Variants in KITLG observed in about 807,000 individuals in gnomAD.
KITLG encodes the protein c-Kit ligand.
KITLG carries 13 observed loss-of-function variants against 34.1 expected under a neutral mutation model. That is an observed-to-expected ratio of 0.38 (90% confidence interval 0.25 to 0.61). The LOEUF is 0.61. Ranked by LOEUF, KITLG falls within the 20% of genes least tolerant of loss-of-function variation. The probability of loss-of-function intolerance (pLI) is 0.60; values close to 1 mark genes in which losing one functional copy is unlikely to be tolerated. For synonymous variants in KITLG, 110 were observed against 104.0 expected (o/e 1.06, Z -0.35); for missense variants, 292 against 318.9 (o/e 0.92, Z 0.64).
intron 2 of KITLG, among the ~76,000 whole-genome samples, chr12:88,542,364 A>G (rs1295617357): frequency 6.6e-6 from 1 of 152,144 alleles, no homozygotes; most frequent in Non-Finnish European, 1.5e-5. Context: ...GATCATGTCC[A>G]TGTTCCTCAT....
At chr12:88,525,906 G>C (rs979630853) in intron 3 of KITLG, among the ~76,000 whole-genome samples, 2 of 152,180 alleles carry the variant, frequency 1.3e-5, no homozygotes, top group Admixed American at 1.3e-4. Flanking sequence ...GTGTGAAAGA[G>C]AAATCTTAAA....
At position 88,493,820 on chromosome 12, in the gene KITLG, G is replaced by A. The variant is rs1868501163; in HGVS notation, c.*3399C>T. The A allele has an allele frequency of 6.6e-6, 1 of 151,790 alleles. No homozygotes were observed. Among genetic ancestry groups the A allele is most frequent in the African/African-American group, 2.4e-5 (1 of 41,392 alleles). The allele number at this position is 151,790 out of a possible 1,614,324, so 9.4% of individuals were successfully genotyped here. On this transcript the variant is annotated 3_prime_UTR_variant, in exon 10 of 10. Coordinates refer to ENST00000644744, the MANE Select transcript of KITLG (RefSeq NM_000899.5). The stretch of plus-strand genomic sequence containing the variant: ...AACGTACTACTGGTTTTCATTCTTT[G>A]GAGGTGATCCAAAATGTTTATTCAA...
intron 3 of KITLG, among the ~76,000 whole-genome samples, chr12:88,526,320 G>A (rs376276439): frequency 6.6e-6 from 1 of 152,056 alleles, no homozygotes; most frequent in Admixed American, 6.6e-5. Flanking sequence ...AAATTCACAC[G>A]TATCTAAAAG....
chr12:88,507,548 A>C (rs922310743), intron 6 of KITLG, among the ~76,000 whole-genome samples: 4 of 152,350 alleles, frequency 2.6e-5, no homozygotes, highest in Admixed American at 2.6e-4. Flanking sequence ...TACAACCTGG[A>C]TCAAGATCTG....
At chr12:88,499,200 C>G (rs1202926089) in intron 9 of KITLG, among the ~76,000 whole-genome samples, 1 of 152,190 alleles carries the variant, frequency 6.6e-6, no homozygotes, top group South Asian at 2.1e-4. Context: ...AAGCCTAATC[C>G]TTTCTAATCA....
chr12:88,556,598 T>C (rs1391771368), intron 1 of KITLG, among the ~76,000 whole-genome samples: 1 of 152,144 alleles, frequency 6.6e-6, no homozygotes, highest in African/African-American at 2.4e-5. Flanking sequence ...GAGGCACAAA[T>C]GACTTCCAGG....
intron 1 of KITLG, among the ~76,000 whole-genome samples, chr12:88,575,766 T>A (rs1871805488): frequency 6.6e-6 from 1 of 152,054 alleles, no homozygotes; most frequent in African/African-American, 2.4e-5. Flanking sequence ...GAAAGAAAGA[T>A]AAAAGATCAC....
intron 1 of KITLG, among the ~76,000 whole-genome samples, chr12:88,574,762 T>C (rs1330053971): frequency 1.3e-5 from 2 of 152,198 alleles, no homozygotes; most frequent in African/African-American, 4.8e-5. Flanking sequence ...CAGGGAAGCA[T>C]TACCTTTTGT....
intron 2 of KITLG, among the ~76,000 whole-genome samples, chr12:88,534,430 G>A (rs1283406904): frequency 6.6e-6 from 1 of 151,982 alleles, no homozygotes; most frequent in Non-Finnish European, 1.5e-5. Context: ...CTGGAGTGCA[G>A]TAGCACAATC....
intron 3 of KITLG, 22 bp downstream of exon 3, chr12:88,532,419 C>T: frequency 6.4e-7 from 1 of 1,563,490 alleles, no homozygotes; most frequent in East Asian, 2.2e-5. Context: ...TAAAATGAAA[C>T]TCAGAAATGT....
chr12:88,544,541 C>T (rs1870644288), intron 2 of KITLG, among the ~76,000 whole-genome samples: 3 of 151,962 alleles, frequency 2.0e-5, no homozygotes, highest in Admixed American at 2.0e-4. Context: ...CCCCTCACCC[C>T]CATCCCTATA....
chr12:88,509,832 C>T (rs1182805451), intron 6 of KITLG, among the ~76,000 whole-genome samples: 1 of 152,124 alleles, frequency 6.6e-6, no homozygotes, highest in African/African-American at 2.4e-5. Context: ...GCTTATACCT[C>T]CAGGGAATGA....
At chr12:88,513,242 T>C (rs542987091) in intron 6 of KITLG, among the ~76,000 whole-genome samples, 1 of 151,682 alleles carries the variant, frequency 6.6e-6, no homozygotes, top group Non-Finnish European at 1.5e-5. Context: ...TTAAAGTGTA[T>C]ACTTTAATTT....
intron 9 of KITLG, among the ~76,000 whole-genome samples, chr12:88,500,864 C>T (rs1868824638): frequency 6.6e-6 from 1 of 152,200 alleles, no homozygotes; most frequent in Non-Finnish European, 1.5e-5. Flanking sequence ...ATTACAGCCT[C>T]AACCTCTCGG....
intron 3 of KITLG, among the ~76,000 whole-genome samples, chr12:88,528,948 A>G (rs1869978687): frequency 6.6e-6 from 1 of 152,208 alleles, no homozygotes; most frequent in South Asian, 2.1e-4. Flanking sequence ...GTAGCAAAAT[A>G]GGTGGCACAG....
chr12:88,507,111 A>G lies in KITLG; in HGVS notation c.631T>C (p.Ser211Pro). Reference sequence around the variant, plus strand: ...GCCATGGCTGCCCAGTGTAGGCTGGAGTCTCCAGGGGGATTTTTGGCCTTC... The same window carrying G: ...GCCATGGCTGCCCAGTGTAGGCTGGGGTCTCCAGGGGGATTTTTGGCCTTC... ...NRKAKNPPGD[S>P]SLHWAAMALP... is the part of the protein sequence containing the mutation. Residue 211 changes from serine (S) to proline (P), a missense_variant, in exon 7 of 10, where the codon TCC becomes CCC. By Grantham distance (74) the Ser-to-Pro change is moderately conservative (BLOSUM62 -1). This residue lies in a region of KITLG where 140 missense variants were observed against 111.0 expected (regional missense o/e 1.26). Coordinates refer to ENST00000644744, the MANE Select transcript of KITLG (RefSeq NM_000899.5). 6.2e-7 allele frequency: 1 copy of G among 1,613,098 alleles called. No individual in the cohort carries two copies. The highest frequency in any genetic ancestry group is 8.5e-7 in the Non-Finnish European group (1 of 1,179,120).
chr12:88,542,532 A>T (rs879808969), intron 2 of KITLG, among the ~76,000 whole-genome samples: 3 of 152,230 alleles, frequency 2.0e-5, no homozygotes, highest in Middle Eastern at 3.4e-3. Context: ...GTGATTATCT[A>T]CATCCATAAA....
chr12:88,508,116 G>A (rs1294855128), intron 6 of KITLG, among the ~76,000 whole-genome samples: 1 of 151,924 alleles, frequency 6.6e-6, no homozygotes, highest in Non-Finnish European at 1.5e-5. Flanking sequence ...GAACCCGGGA[G>A]GCGGAAGTCG....
intron 6 of KITLG, 107 bp from the exon 7 acceptor site, chr12:88,507,244 A>G: frequency 1.4e-6 from 1 of 737,302 alleles, no homozygotes; most frequent in South Asian, 1.5e-5. Flanking sequence ...CTGGACCTAT[A>G]TCTGTTTAAA....
Sources: allele counts gnomAD v4.1 joint callset (sites outside exome capture counted in the v4.1 genomes callset), GRCh38; gene constraint gnomAD v4.1.1; regional missense constraint gnomAD v4.1.1; transcripts MANE v1.5; gene names NCBI Gene and HGNC (gene_info 2026-07-23, HGNC 2026-07-21).